The following SPATA9 variants were observed in gnomAD, a reference collection of about 807,000 sequenced individuals.
SPATA9 encodes spermatogenesis associated 9.
SPATA9 carries 27 observed loss-of-function variants against 25.5 expected under a neutral mutation model. The ratio of observed to expected loss-of-function variants is 1.06; its 90% CI spans 0.78 to 1.46. The LOEUF is 1.46. Ranked by LOEUF, SPATA9 falls within the 40% of genes most tolerant of loss-of-function variation. The pLI, the probability that SPATA9 is intolerant of heterozygous loss-of-function variation, is 0.00. For synonymous variants in SPATA9, 102 were observed against 105.7 expected, an observed-to-expected ratio of 0.97 and a Z score of 0.21; for missense variants, 282 against 297.5, an observed-to-expected ratio of 0.95 and a Z score of 0.38.
At chr5:95,700,545 G>A (rs13153620), upstream of SPATA9, among the ~76,000 whole-genome samples, 4,513 of 152,130 alleles carry the variant, frequency 0.03, 83 homozygotes, top group Middle Eastern at 0.065. Context: ...TGATATGCCC[G>A]CCTCAGCCTC....
downstream of SPATA9, chr5:95,652,480 A>G (rs1425974463): frequency 1.0e-6 from 1 of 964,700 alleles, no homozygotes; most frequent in Non-Finnish European, 1.4e-6. Flanking sequence ...TAAAATATAT[A>G]TAGCTCTTGA....
At chr5:95,685,750 T>A (rs1158099788), upstream of SPATA9, among the ~76,000 whole-genome samples, 4 of 152,260 alleles carry the variant, frequency 2.6e-5, no homozygotes, top group African/African-American at 9.6e-5. Flanking sequence ...GAATTAGGAA[T>A]GTTTTGAACA....
chr5:95,656,011 T>G (rs377255968), downstream of SPATA9: 1 of 1,596,434 alleles, frequency 6.3e-7, no homozygotes. Flanking sequence ...ACATTTGACA[T>G]GTCAGAATAT....
At chr5:95,668,249 A>G (rs1312131470) in intron 3 of SPATA9, among the ~76,000 whole-genome samples, 1 of 152,170 alleles carries the variant, frequency 6.6e-6, no homozygotes, top group Non-Finnish European at 1.5e-5. Context: ...AAAATAAATT[A>G]TGTACTTGAT....
the SPATA9 span, chr5:95,731,994 G>T: frequency 6.2e-7 from 1 of 1,614,054 alleles, no homozygotes; most frequent in African/African-American, 1.3e-5. Context: ...TGCTGAACGC[G>T]GCCAGCACGG....
chr5:95,729,670 G>A, the SPATA9 span, among the ~76,000 whole-genome samples: 2 of 152,038 alleles, frequency 1.3e-5, no homozygotes, highest in Admixed American at 6.5e-5. Context: ...GTTGAACAAC[G>A]CCCCCTTTTC....
the SPATA9 span, among the ~76,000 whole-genome samples, chr5:95,723,167 C>T: frequency 2.6e-4 from 40 of 151,658 alleles, no homozygotes; most frequent in African/African-American, 9.2e-4. Flanking sequence ...CTAACACCAA[C>T]GATAGCTGAT....
the SPATA9 span, chr5:95,719,734 T>C: frequency 6.6e-6 from 1 of 152,226 alleles, no homozygotes; most frequent in African/African-American, 2.4e-5. Context: ...GTTAATGCCA[T>C]CATGCAGATA....
chr5:95,663,543 C>A (rs1386421035), intron 4 of SPATA9, among the ~76,000 whole-genome samples: 3 of 151,770 alleles, frequency 2.0e-5, no homozygotes, highest in Non-Finnish European at 2.9e-5. Context: ...ATTAAAAAAT[C>A]TTTTATATTT....
upstream of SPATA9, among the ~76,000 whole-genome samples, chr5:95,699,438 A>G (rs2112715288): frequency 6.6e-6 from 1 of 152,350 alleles, no homozygotes; most frequent in African/African-American, 2.4e-5. Flanking sequence ...GACCTGGCCA[A>G]TGGGAAACAT....
chr5:95,699,686 G>A (rs148353499), upstream of SPATA9, among the ~76,000 whole-genome samples: 313 of 152,282 alleles, frequency 2.1e-3, 1 homozygote, highest in African/African-American at 6.8e-3. Flanking sequence ...CATTTTAAAG[G>A]CTTAGTTGGA....
At chr5:95,720,020 G>A in the SPATA9 span, among the ~76,000 whole-genome samples, 1 of 152,176 alleles carries the variant, frequency 6.6e-6, no homozygotes, top group Non-Finnish European at 1.5e-5. Context: ...GGAAGACAGT[G>A]TTTGCTACCT....
the SPATA9 span, among the ~76,000 whole-genome samples, chr5:95,713,104 T>C: frequency 1.1e-4 from 16 of 152,200 alleles, no homozygotes; most frequent in African/African-American, 2.4e-5. Flanking sequence ...TTCAATTTGT[T>C]TTAGTTGGTT....
chr5:95,731,588 A>C, the SPATA9 span: 1 of 1,572,658 alleles, frequency 6.4e-7, no homozygotes, highest in Non-Finnish European at 8.6e-7. Context: ...GCCGGGGATG[A>C]GCGGATTGCG....
the SPATA9 span, among the ~76,000 whole-genome samples, chr5:95,723,523 C>G: frequency 2.6e-5 from 4 of 152,170 alleles, no homozygotes; most frequent in Non-Finnish European, 5.9e-5. Context: ...TCATGAAGTA[C>G]GTGCAAACTC....
the SPATA9 span, among the ~76,000 whole-genome samples, chr5:95,710,711 C>A: frequency 6.6e-6 from 1 of 152,228 alleles, no homozygotes; most frequent in Non-Finnish European, 1.5e-5. Flanking sequence ...GCCTGTTCTT[C>A]TGTGTCTGTC....
rs1244265783 is a variant in SPATA9, at chr5:95,658,485, C to A, written c.*138G>T. On this transcript the variant is annotated 3_prime_UTR_variant, in exon 5 of 5. Coordinates refer to ENST00000274432, the MANE Select transcript of SPATA9 (RefSeq NM_031952.4). ...CTATCATGTAAATACTAGAAAATGA[C>A]ATTTTAATAGTAGCCCCCTTCTCTT... The A allele has an allele frequency of 5.1e-6, 5 of 986,316 alleles. No individual in the cohort carries two copies. Among genetic ancestry groups the A allele is most frequent in the Non-Finnish European group, 4.2e-6 (3 of 710,076 alleles). The allele number at this position is 986,316 out of a possible 1,614,324, so 61.1% of individuals were successfully genotyped here. A position where few individuals can be genotyped will look rare whatever the true frequency, so the allele number is the denominator to read the frequency against.
chr5:95,692,578 T>C (rs1369739451), intron 1 of SPATA9, among the ~76,000 whole-genome samples: 1 of 152,054 alleles, frequency 6.6e-6, no homozygotes, highest in Non-Finnish European at 1.5e-5. Context: ...AGTACAAAGT[T>C]TCCTTACTTT....
chr5:95,710,554 A>G, the SPATA9 span, among the ~76,000 whole-genome samples: 1 of 152,324 alleles, frequency 6.6e-6, no homozygotes, highest in Admixed American at 6.5e-5. Context: ...TAAATAGGCC[A>G]CTGGGCGTCT....
Sources: allele counts gnomAD v4.1 joint callset (sites outside exome capture counted in the v4.1 genomes callset), GRCh38; gene constraint gnomAD v4.1.1; transcripts MANE v1.5; gene names NCBI Gene and HGNC (gene_info 2026-07-23, HGNC 2026-07-21).